The following AHDC1 variants were observed in gnomAD, a reference collection of about 807,000 sequenced individuals.
AHDC1 encodes AT-hook DNA binding motif containing 1.
AHDC1 carries 7 observed loss-of-function variants against 87.9 expected under a neutral mutation model. The ratio of observed to expected loss-of-function variants is 0.08; its 90% CI spans 0.05 to 0.15. The LOEUF is 0.15. Ranked by LOEUF, AHDC1 falls within the 10% of genes least tolerant of loss-of-function variation. The pLI is 1.00. For missense variants in AHDC1, 1,841 were observed against 2,253.2 expected (o/e 0.82, Z 3.70); for synonymous variants, 1,051 against 1,006.8 (o/e 1.04, Z -0.83).
At chr1:27,570,500 C>A (rs1373857091) in intron 3 of AHDC1, among the ~76,000 whole-genome samples, 1 of 152,164 alleles carries the variant, frequency 6.6e-6, no homozygotes. Flanking sequence ...TTTCTACTGT[C>A]TAGCACAGCT....
chr1:27,571,816 G>C (rs1471148766), intron 3 of AHDC1, among the ~76,000 whole-genome samples: 1 of 152,082 alleles, frequency 6.6e-6, no homozygotes, highest in Non-Finnish European at 1.5e-5. Flanking sequence ...GGGTAACCTT[G>C]ACACAGTTGC....
rs1253092486 is a variant in AHDC1 at position 27,561,325 on chromosome 1, G to A, written c.-628-2442C>T. On this transcript the variant is annotated intron_variant, in intron 3 of 8. Coordinates refer to ENST00000673934, the MANE Select transcript of AHDC1 (RefSeq NM_001371928.1). This position sits in a 1 kb window ranked among gnomAD's most constrained non-coding sequence, Gnocchi z 4.2. ...GGTGGGTGGGAGGAGTCTGCATGGG[G>A]TCTGCCTGGCCCTGAGTGTTGGGGG... is the stretch of plus-strand genomic sequence containing the variant. Among the ~76,000 whole-genome samples, 1 of 151,802 alleles carries A rather than the reference G, an allele frequency of 6.6e-6. No individual in the cohort carries two copies. The highest frequency in any genetic ancestry group is 1.5e-5 in the Non-Finnish European group (1 of 68,040).
In AHDC1 at chr1:27,551,561, G is replaced by A. The variant is rs1213982660; in HGVS notation, c.555C>T (p.Thr185=). The change falls in exon 8 of 9, where the codon ACC becomes ACT. Residue 185 remains threonine (T), a synonymous_variant. Transcript: ENST00000673934. ...NSIRSPEERA[T]PHAKSERPSH... ...TGGGCCGCTCCGACTTGGCGTGTGGGGTGGCCCGCTCCTCAGGGCTACGGA... is the reference window on the plus strand; with the variant it reads ...TGGGCCGCTCCGACTTGGCGTGTGGAGTGGCCCGCTCCTCAGGGCTACGGA... 1 of 1,608,632 alleles carries A rather than the reference G, an allele frequency of 6.2e-7. No homozygotes were observed. Among genetic ancestry groups the A allele is most frequent in the Non-Finnish European group, 8.5e-7 (1 of 1,176,600 alleles).
chr1:27,566,521 C>T (rs1180292902), intron 3 of AHDC1, among the ~76,000 whole-genome samples: 4 of 151,714 alleles, frequency 2.6e-5, no homozygotes, highest in African/African-American at 7.3e-5. Flanking sequence ...ACCAGCGACC[C>T]GGGAGCTGGA....
intron 3 of AHDC1, among the ~76,000 whole-genome samples, chr1:27,584,956 TGAGGTCAGGAGTTCGAGA>T (rs2089009336): frequency 1.3e-5 from 2 of 152,070 alleles, no homozygotes; most frequent in East Asian, 3.9e-4. Context: ...GCAGATCACC[TGAGGTCAGGAGTTCGAGA>T]CCAGCCCGGC....
chr1:27,602,630 A>C (rs1378339995), intron 3 of AHDC1, among the ~76,000 whole-genome samples: 2 of 152,182 alleles, frequency 1.3e-5, no homozygotes, highest in Non-Finnish European at 2.9e-5. Flanking sequence ...GGGGGCTGAC[A>C]GCTGTCACTC....
At chr1:27,581,715 C>G (rs891995660) in intron 3 of AHDC1, among the ~76,000 whole-genome samples, 1 of 152,228 alleles carries the variant, frequency 6.6e-6, no homozygotes, top group Non-Finnish European at 1.5e-5. Context: ...AAATCCCATT[C>G]TCATGACTCT....
chr1:27,573,065 C>G (rs1199671162), intron 3 of AHDC1, among the ~76,000 whole-genome samples: 1 of 152,228 alleles, frequency 6.6e-6, no homozygotes, highest in Non-Finnish European at 1.5e-5. Flanking sequence ...CCCCCTCCAT[C>G]CACCACAACC....
Position 27,547,223 on chromosome 1 carries a change from C to G in AHDC1, c.*43+38G>C. ...AGCTCTGATGTCCTCTTCCCACCCC[C>G]AGGCCTCTGCCCACTGCGCCCACAT... On this transcript the variant is annotated intron_variant, in intron 8 of 8. Transcript: ENST00000673934. This position sits in a 1 kb window ranked among gnomAD's most constrained non-coding sequence, Gnocchi z 4.9. The G allele has an allele frequency of 7.2e-7, 1 of 1,388,630 alleles. No individual in the cohort carries two copies. The highest frequency in any genetic ancestry group is 2.3e-5 in the Admixed American group (1 of 43,538). 86.0% of individuals were successfully genotyped at this position (1,388,630 alleles called of 1,614,324 possible). A position where few individuals can be genotyped will look rare whatever the true frequency, so the allele number is the denominator to read the frequency against.
intron 3 of AHDC1, among the ~76,000 whole-genome samples, chr1:27,596,851 A>T (rs570915764): frequency 6.6e-6 from 1 of 151,998 alleles, no homozygotes; most frequent in East Asian, 1.9e-4. Flanking sequence ...AGTCACTCTC[A>T]CACACACACC....
chr1:27,549,999 GCCA>G lies in AHDC1; in HGVS notation c.2114_2116del (p.Val705del), dbSNP rs754591803. 4 of 1,599,896 alleles carry G rather than the reference GCCA, an allele frequency of 2.5e-6. No individual in the cohort carries two copies. The highest frequency in any genetic ancestry group is 3.4e-6 in the Non-Finnish European group (4 of 1,170,820). Reference sequence around the variant, plus strand: ...GCCCCCGACCCCAGCGGCTGCCACGGCCACCACCTTCTTTTTCTTGCCGATGCC... The same window carrying G: ...GCCCCCGACCCCAGCGGCTGCCACGGCCACCTTCTTTTTCTTGCCGATGCC... On this transcript the variant is annotated inframe_deletion, in exon 8 of 9. Coordinates refer to ENST00000673934, the MANE Select transcript of AHDC1 (RefSeq NM_001371928.1).
chr1:27,551,492 G>T lies in AHDC1; in HGVS notation c.624C>A (p.Pro208=), dbSNP rs772407294. The change falls in exon 8 of 9, where the codon CCC becomes CCA. Residue 208 remains proline, a synonymous_variant. Transcript: ENST00000673934. Reference sequence around the variant, plus strand: ...CGGGACTATGGCCTTGGCCAGGCTGGGGACTGTCCCTAGGCTCAGGCTCAG... The same window carrying T: ...CGGGACTATGGCCTTGGCCAGGCTGTGGACTGTCCCTAGGCTCAGGCTCAG... ...YEPEPEPRDS[P]QPGQGHSPGA... The T allele has an allele frequency of 6.2e-7, 1 of 1,607,288 alleles. No individual in the cohort carries two copies. The highest frequency in any genetic ancestry group is 1.7e-5 in the Admixed American group (1 of 59,862).
At chr1:27,559,669 T>A (rs2019979550) in intron 3 of AHDC1, among the ~76,000 whole-genome samples, 1 of 152,236 alleles carries the variant, frequency 6.6e-6, no homozygotes, top group East Asian at 1.9e-4. Flanking sequence ...TGATGGTGGA[T>A]GCGAATTTCC....
Position 27,550,835 on chromosome 1 carries a change from G to C in AHDC1, c.1281C>G (p.Ala427=), listed in dbSNP as rs753828677. 6 of 1,565,804 alleles carry C rather than the reference G, an allele frequency of 3.8e-6. No individual in the cohort carries two copies. The highest frequency in any genetic ancestry group is 3.7e-5 in the Admixed American group (2 of 54,218). The part of the protein sequence containing the change: ...PMPTGLVAAL[A]EPPPPPPPPP... ...GAGGAGGCGGTGGTGGTGGGGGTTC[G>C]GCCAGGGCAGCCACCAGCCCCGTGG... is the stretch of plus-strand genomic sequence containing the variant. The change falls in exon 8 of 9, where the codon GCC becomes GCG. Residue 427 remains alanine, a synonymous_variant. Coordinates refer to ENST00000673934, the MANE Select transcript of AHDC1 (RefSeq NM_001371928.1).
Position 27,571,088 on chromosome 1 carries a change from C to G in AHDC1, c.-628-12205G>C, listed in dbSNP as rs944895363. ...TTTCAGGAAGAAAAGGCAGGGTACT[C>G]TACTTCCTGTGGCCAGACCCAGTGT... On this transcript the variant is annotated intron_variant, in intron 3 of 8. Transcript: ENST00000673934. Among the ~76,000 whole-genome samples, 5 of 152,152 alleles carry G rather than the reference C, an allele frequency of 3.3e-5. No individual in the cohort carries two copies. The East Asian group carries it at 5.8e-4, about 18-fold the overall frequency.
chr1:27,543,570 C>A (rs2019024168), intron 8 of AHDC1, among the ~76,000 whole-genome samples: 1 of 152,220 alleles, frequency 6.6e-6, no homozygotes, highest in Non-Finnish European at 1.5e-5. Context: ...GCAAACCTTG[C>A]CTATTCTTGA....
chr1:27,545,352 C>A (rs2019116518), intron 8 of AHDC1, among the ~76,000 whole-genome samples: 1 of 152,050 alleles, frequency 6.6e-6, no homozygotes, highest in Non-Finnish European at 1.5e-5. Flanking sequence ...GGTTTGAGGA[C>A]AGCGCAGTTA....
At chr1:27,542,800 C>A (rs994977545) in intron 8 of AHDC1, among the ~76,000 whole-genome samples, 3 of 152,120 alleles carry the variant, frequency 2.0e-5, no homozygotes, top group East Asian at 1.9e-4. Context: ...TCGGTATGGT[C>A]GTGGAGAGAT....
At position 27,593,478 on chromosome 1, in the gene AHDC1, C is replaced by A. The variant is rs1412831737; in HGVS notation, c.-629+9919G>T. Among the ~76,000 whole-genome samples, 1 of 152,198 alleles carries A rather than the reference C, an allele frequency of 6.6e-6. No homozygotes were observed. Among genetic ancestry groups the A allele is most frequent in the Admixed American group, 6.5e-5 (1 of 15,288 alleles). On this transcript the variant is annotated intron_variant, in intron 3 of 8. Coordinates refer to ENST00000673934, the MANE Select transcript of AHDC1 (RefSeq NM_001371928.1). The surrounding 1 kb of genome is among the most constrained non-coding windows in gnomAD (Gnocchi z 4.9). ...GGCAAAGATGGACCCATTCTCAGGG[C>A]GTAGCCGTGTGTCCCTCAGAACCCT... is the stretch of plus-strand genomic sequence containing the variant.
Sources: gnomAD v4.1 joint callset for allele counts (sites outside exome capture counted in the v4.1 genomes callset) on GRCh38, gnomAD v4.1.1 for gene constraint, Gnocchi (gnomAD v3.1) non-coding constraint, MANE v1.5 for transcripts, NCBI Gene and HGNC (gene_info 2026-07-23, HGNC 2026-07-21) for gene names.